The following ASTN2 variants were observed in gnomAD, a reference collection of about 807,000 sequenced individuals.
ASTN2 encodes astrotactin-2.
Under a neutral mutation model 139.8 loss-of-function variants are expected in ASTN2, and 54 were observed. The ratio of observed to expected loss-of-function variants is 0.39; its 90% CI spans 0.31 to 0.48. ASTN2 has a LOEUF of 0.48. Ranked by LOEUF, ASTN2 falls within the 20% of genes least tolerant of loss-of-function variation. The pLI is 0.95. For synonymous variants in ASTN2, 756 were observed against 719.5 expected, an observed-to-expected ratio of 1.05 and a Z score of -0.81; for missense variants, 1,565 against 1,725.1, an observed-to-expected ratio of 0.91 and a Z score of 1.64.
chr9:117,039,186 A>G (rs1241548155), intron 6 of ASTN2, among the ~76,000 whole-genome samples: 4 of 152,188 alleles, frequency 2.6e-5, no homozygotes, highest in Non-Finnish European at 5.9e-5. Flanking sequence ...CTCATAAGTT[A>G]AAAGTAGTCT....
intron 12 of ASTN2, among the ~76,000 whole-genome samples, chr9:116,819,727 G>C (rs1675255079): frequency 1.3e-5 from 2 of 152,130 alleles, no homozygotes; most frequent in African/African-American, 4.8e-5. Context: ...AATGTCAAAA[G>C]ATAAGCAAAT....
At position 116,698,108 on chromosome 9, in the gene ASTN2, C is replaced by G. The variant is rs137947083; in HGVS notation, c.2806+27663G>C. The G allele has an allele frequency of 1.8e-5, 29 of 1,613,992 alleles. No homozygotes were observed. The African/African-American group carries it at 2.5e-4, about 14-fold the overall frequency. The stretch of plus-strand genomic sequence containing the variant: ...GCTGTGGTTTGGTGTTATGTGAGCC[C>G]TGCCGGGAGGCAGACCATCAGCCTC... On this transcript the variant is annotated intron_variant, in intron 16 of 22. Coordinates refer to ENST00000313400, the MANE Select transcript of ASTN2 (RefSeq NM_001365068.1). This position sits in a 1 kb window ranked among gnomAD's most constrained non-coding sequence, Gnocchi z 4.4.
intron 3 of ASTN2, among the ~76,000 whole-genome samples, chr9:117,162,114 G>A (rs1830566917): frequency 6.6e-6 from 1 of 152,052 alleles, no homozygotes; most frequent in Non-Finnish European, 1.5e-5. Context: ...AATAGATCAT[G>A]AGAAAAGCAG....
At chr9:116,590,913 C>T (rs1854352306) in intron 19 of ASTN2, among the ~76,000 whole-genome samples, 1 of 152,166 alleles carries the variant, frequency 6.6e-6, no homozygotes, top group Non-Finnish European at 1.5e-5. Context: ...ATCAGGATGA[C>T]CTGCCTTCAG....
intron 19 of ASTN2, among the ~76,000 whole-genome samples, chr9:116,570,956 G>C (rs1196490206): frequency 6.6e-6 from 1 of 152,178 alleles, no homozygotes; most frequent in East Asian, 1.9e-4. Context: ...TTTTTAAAAG[G>C]AAGAAGGAGA....
chr9:116,803,554 T>C (rs1830954374), intron 13 of ASTN2, among the ~76,000 whole-genome samples: 1 of 133,818 alleles, frequency 7.5e-6, no homozygotes. Context: ...AGACGGAGTC[T>C]CACTCTGTCA....
At chr9:116,990,365 C>T (rs912408828) in intron 7 of ASTN2, among the ~76,000 whole-genome samples, 6 of 29,006 alleles carry the variant, frequency 2.1e-4, no homozygotes, top group African/African-American at 2.6e-4. Flanking sequence ...CTCTTGGGTT[C>T]AAGCGATTCT....
intron 11 of ASTN2, among the ~76,000 whole-genome samples, chr9:116,832,670 A>G (rs1831850285): frequency 6.6e-6 from 1 of 152,080 alleles, no homozygotes; most frequent in Non-Finnish European, 1.5e-5. Context: ...TAGATTTTCA[A>G]ATAGGGAACC....
chr9:116,946,048 C>G (rs2132477338), intron 10 of ASTN2, among the ~76,000 whole-genome samples: 1 of 152,296 alleles, frequency 6.6e-6, no homozygotes, highest in South Asian at 2.1e-4. Context: ...AAGTGCCACA[C>G]TTACAAATAA....
At chr9:116,468,084 C>G (rs959023423) in intron 20 of ASTN2, among the ~76,000 whole-genome samples, 62 of 152,288 alleles carry the variant, frequency 4.1e-4, no homozygotes, top group African/African-American at 1.4e-3. Context: ...GGACATGAAG[C>G]CGTGAATGAC....
At position 117,014,846 on chromosome 9, in the gene ASTN2, G is replaced by A. The variant is rs190401269; in HGVS notation, c.1424-6587C>T. Among the ~76,000 whole-genome samples the A allele has an allele frequency of 1.7e-4, 26 of 152,204 alleles. No individual in the cohort carries two copies. In the East Asian group the frequency reaches 5.0e-3, roughly 29 times the overall value. On this transcript the variant is annotated intron_variant, in intron 6 of 22. Coordinates refer to ENST00000313400, the MANE Select transcript of ASTN2 (RefSeq NM_001365068.1). ...AGAGGACAGCCATCTACAAGCCAAG[G>A]AGAGAGGCCCCAGAAGAAACCAGCT...
At chr9:116,640,055 T>C (rs1470072760) in intron 17 of ASTN2, among the ~76,000 whole-genome samples, 1 of 152,146 alleles carries the variant, frequency 6.6e-6, no homozygotes, top group South Asian at 2.1e-4. Flanking sequence ...TGCTAATGTA[T>C]AGGAAAATAT....
intron 11 of ASTN2, among the ~76,000 whole-genome samples, chr9:116,822,519 G>A (rs772525947): frequency 1.8e-4 from 27 of 152,196 alleles, no homozygotes; most frequent in Non-Finnish European, 3.4e-4. Flanking sequence ...TGTGAGTACT[G>A]GGGCCTGGCT....
intron 10 of ASTN2, among the ~76,000 whole-genome samples, chr9:116,961,404 T>TG (rs1835872103): frequency 6.6e-6 from 1 of 152,114 alleles, no homozygotes; most frequent in Non-Finnish European, 1.5e-5. Flanking sequence ...CCGCAACCAC[T>TG]ATTCTACTTT....
At chr9:117,045,992 G>C (rs1028042831) in intron 5 of ASTN2, among the ~76,000 whole-genome samples, 7 of 128,790 alleles carry the variant, frequency 5.4e-5, no homozygotes, top group African/African-American at 1.8e-4. Flanking sequence ...ACGTACGTAC[G>C]TATGTATGTA....
At chr9:116,791,803 A>T (rs1214554014) in intron 13 of ASTN2, among the ~76,000 whole-genome samples, 1 of 152,196 alleles carries the variant, frequency 6.6e-6, no homozygotes, top group African/African-American at 2.4e-5. Context: ...AGTGATTCAG[A>T]TAGGCTTTCC....
chr9:116,841,609 A>C (rs1832262936), intron 11 of ASTN2, among the ~76,000 whole-genome samples: 1 of 152,202 alleles, frequency 6.6e-6, no homozygotes, highest in Non-Finnish European at 1.5e-5. Flanking sequence ...ATACACTGTC[A>C]GTCACAAAGA....
At chr9:116,930,596 C>T (rs575079075) in intron 10 of ASTN2, among the ~76,000 whole-genome samples, 4 of 152,078 alleles carry the variant, frequency 2.6e-5, no homozygotes, top group South Asian at 2.1e-4. Context: ...CAGCAAGACT[C>T]GGGGTGACAA....
chr9:116,481,421 G>A (rs1462070614), intron 20 of ASTN2, among the ~76,000 whole-genome samples: 2 of 152,130 alleles, frequency 1.3e-5, no homozygotes, highest in Admixed American at 6.6e-5. Context: ...AAACAGAGAG[G>A]TGAAGAAACT....
Sources: allele counts gnomAD v4.1 joint callset (sites outside exome capture counted in the v4.1 genomes callset), GRCh38; gene constraint gnomAD v4.1.1; non-coding constraint Gnocchi (gnomAD v3.1); transcripts MANE v1.5; gene names NCBI Gene and HGNC (gene_info 2026-07-23, HGNC 2026-07-21).